Variants in NUDCD3 observed in about 807,000 individuals in gnomAD.
The protein encoded by NUDCD3 is NudC domain containing 3.
NUDCD3 carries 13 observed loss-of-function variants against 39.7 expected under a neutral mutation model. That is an observed-to-expected ratio of 0.33 (90% CI 0.21 to 0.52). NUDCD3 has a LOEUF of 0.52. Ranked by LOEUF, NUDCD3 falls within the 20% of genes least tolerant of loss-of-function variation. The pLI is 0.96. For synonymous variants in NUDCD3, 175 were observed against 172.4 expected (o/e 1.02, Z -0.12); for missense variants, 453 against 458.1 (o/e 0.99, Z 0.10).
intron 3 of NUDCD3, among the ~76,000 whole-genome samples, chr7:44,411,854 T>C (rs995415031): frequency 3.9e-5 from 6 of 152,178 alleles, no homozygotes; most frequent in African/African-American, 1.4e-4. Flanking sequence ...TATGTCCATG[T>C]ATGGGTGGTA....
At chr7:44,487,699 C>T (rs760972202) in intron 1 of NUDCD3, among the ~76,000 whole-genome samples, 19 of 152,150 alleles carry the variant, frequency 1.2e-4, no homozygotes, top group Non-Finnish European at 2.8e-4. Context: ...TGTCTGTAAT[C>T]CCAGCACTTT....
At chr7:44,488,681 G>A (rs1044953808) in intron 1 of NUDCD3, among the ~76,000 whole-genome samples, 4 of 152,130 alleles carry the variant, frequency 2.6e-5, no homozygotes, top group African/African-American at 9.7e-5. Flanking sequence ...TTCAGTTAAC[G>A]CATTATCACT....
chr7:44,446,063 A>G (rs1799685038), intron 2 of NUDCD3, among the ~76,000 whole-genome samples: 1 of 152,346 alleles, frequency 6.6e-6, no homozygotes, highest in Admixed American at 6.5e-5. Flanking sequence ...CTGCACACTT[A>G]CCTATGGGTC....
At chr7:44,393,601 C>G (rs1008647545) in intron 4 of NUDCD3, among the ~76,000 whole-genome samples, 1 of 152,178 alleles carries the variant, frequency 6.6e-6, no homozygotes, top group African/African-American at 2.4e-5. Flanking sequence ...ATGAGCACTG[C>G]ACTTTTTCAA....
At chr7:44,486,145 T>C (rs959752040) in intron 1 of NUDCD3, among the ~76,000 whole-genome samples, 9 of 152,146 alleles carry the variant, frequency 5.9e-5, no homozygotes, top group African/African-American at 1.4e-4. Context: ...GCTCTAAGAA[T>C]AGGCTTGTCA....
intron 2 of NUDCD3, among the ~76,000 whole-genome samples, chr7:44,453,517 T>C (rs1212016815): frequency 3.3e-5 from 5 of 152,158 alleles, no homozygotes; most frequent in African/African-American, 4.8e-5. Context: ...TTCTGGACTT[T>C]AATTTCCTGC....
At chr7:44,469,510 G>T (rs1183999224) in intron 2 of NUDCD3, among the ~76,000 whole-genome samples, 1 of 152,150 alleles carries the variant, frequency 6.6e-6, no homozygotes, top group Non-Finnish European at 1.5e-5. Context: ...ATAATCAGTG[G>T]TTGCTAAGAT....
At chr7:44,490,322 G>A in intron 1 of NUDCD3, 87 bp downstream of exon 1, 5 of 1,291,772 alleles carry the variant, frequency 3.9e-6, no homozygotes, top group Admixed American at 3.0e-5. Flanking sequence ...GGAGGAAACA[G>A]GCTGGGAGAG....
At chr7:44,435,359 G>T (rs1799444345) in intron 2 of NUDCD3, among the ~76,000 whole-genome samples, 1 of 152,170 alleles carries the variant, frequency 6.6e-6, no homozygotes, top group Non-Finnish European at 1.5e-5. Context: ...CAAAGACCAG[G>T]AGGGTCATGC....
rs1366014809 is a variant in NUDCD3 at position 44,384,694 on chromosome 7, A to G, written c.*1317T>C. On this transcript the variant is annotated 3_prime_UTR_variant, in exon 6 of 6. Coordinates refer to ENST00000355451, the MANE Select transcript of NUDCD3 (RefSeq NM_015332.4). ...GGGCCTTGATTCTTGCTGGCCGTGC[A>G]TGGTGCCAGGGTGCACTGCCCTGCT... The G allele has an allele frequency of 6.6e-6, 1 of 152,282 alleles. No individual in the cohort carries two copies. The highest frequency in any genetic ancestry group is 2.4e-5 in the African/African-American group (1 of 41,444). 9.4% of individuals were successfully genotyped at this position (152,282 alleles called of 1,614,324 possible).
Position 44,485,333 on chromosome 7 carries a change from A to G in NUDCD3, c.193-49T>C, listed in dbSNP as rs767690123. 2.9e-6 allele frequency: 4 copies of G among 1,401,084 alleles called. No homozygotes were observed. The South Asian group carries it at 5.4e-5, about 19-fold the overall frequency. 86.8% of individuals were successfully genotyped at this position (1,401,084 alleles called of 1,614,324 possible). Reference sequence around the variant, plus strand: ...AATCAGTTCATCTGCCCAATACTGTACCACATATCTTGTAGAAATGTCGTA... The same window carrying G: ...AATCAGTTCATCTGCCCAATACTGTGCCACATATCTTGTAGAAATGTCGTA... On this transcript the variant is annotated intron_variant, in intron 1 of 5. Coordinates refer to ENST00000355451, the MANE Select transcript of NUDCD3 (RefSeq NM_015332.4).
At chr7:44,458,725 A>C (rs528623314) in intron 2 of NUDCD3, among the ~76,000 whole-genome samples, 1 of 152,314 alleles carries the variant, frequency 6.6e-6, no homozygotes, top group South Asian at 2.1e-4. Context: ...ATATGTGAAA[A>C]GCACTGAATT....
chr7:44,453,095 G>A (rs1227301426), intron 2 of NUDCD3, among the ~76,000 whole-genome samples: 1 of 152,190 alleles, frequency 6.6e-6, no homozygotes, highest in Non-Finnish European at 1.5e-5. Flanking sequence ...GCTCACGCCT[G>A]TAATCCCAGC....
rs1798276491 is a variant in NUDCD3 at position 44,379,703 on chromosome 7, G to A, written c.*6308C>T. 1 of 152,232 alleles carries A rather than the reference G, an allele frequency of 6.6e-6. No individual in the cohort carries two copies. The highest frequency in any genetic ancestry group is 2.4e-5 in the African/African-American group (1 of 41,404). 9.4% of individuals were successfully genotyped at this position (152,232 alleles called of 1,614,324 possible). A position where few individuals can be genotyped will look rare whatever the true frequency, so the allele number is the denominator to read the frequency against. ...CATCACATGGCTGACCACCTCTGGT[G>A]AGAACACTGGAGAATAGTTTAGGGG... On this transcript the variant is annotated 3_prime_UTR_variant, in exon 6 of 6. Coordinates refer to ENST00000355451, the MANE Select transcript of NUDCD3 (RefSeq NM_015332.4).
chr7:44,464,151 T>C (rs1585096587), intron 2 of NUDCD3, among the ~76,000 whole-genome samples: 1 of 149,488 alleles, frequency 6.7e-6, no homozygotes, highest in Non-Finnish European at 1.5e-5. Flanking sequence ...GAGGAAGAGG[T>C]TGCAGTGAGC....
intron 4 of NUDCD3, among the ~76,000 whole-genome samples, chr7:44,397,951 T>C (rs1798653076): frequency 6.6e-6 from 1 of 152,138 alleles, no homozygotes; most frequent in South Asian, 2.1e-4. Context: ...ATCTCCTGAT[T>C]AACTCATGTG....
At chr7:44,402,509 A>T in intron 4 of NUDCD3, 1 of 370,190 alleles carries the variant, frequency 2.7e-6, no homozygotes, top group Admixed American at 3.2e-5. Context: ...AAAAGGAATC[A>T]TTGGTACCCT....
intron 3 of NUDCD3, among the ~76,000 whole-genome samples, chr7:44,424,891 C>T (rs1799204984): frequency 6.6e-6 from 1 of 152,092 alleles, no homozygotes; most frequent in South Asian, 2.1e-4. Context: ...TGGAACCAAC[C>T]CAAATGCCCA....
chr7:44,440,526 CATT>C (rs1799560951), intron 2 of NUDCD3, among the ~76,000 whole-genome samples: 1 of 132,130 alleles, frequency 7.6e-6, no homozygotes, highest in South Asian at 2.4e-4. Context: ...AGCCTGTGAT[CATT>C]ATTACTAACT....
Sources: allele counts gnomAD v4.1 joint callset (sites outside exome capture counted in the v4.1 genomes callset), GRCh38; gene constraint gnomAD v4.1.1; transcripts MANE v1.5; gene names NCBI Gene and HGNC (gene_info 2026-07-23, HGNC 2026-07-21).